Variants in SGMS1 observed in about 807,000 individuals in gnomAD.
SGMS1 encodes phosphatidylcholine:ceramide cholinephosphotransferase 1.
SGMS1 carries 13 observed loss-of-function variants against 46.2 expected under a neutral mutation model. That is an observed-to-expected ratio of 0.28 (90% CI 0.18 to 0.45). SGMS1 has a LOEUF of 0.45. SGMS1 is among the 20% of genes least tolerant of loss of function. The pLI is 1.00. For synonymous variants in SGMS1, 203 were observed against 187.8 expected (o/e 1.08, Z -0.66); for missense variants, 324 against 519.9 (o/e 0.62, Z 3.66).
chr10:50,612,950 C>G (rs559176576), intron 1 of SGMS1, among the ~76,000 whole-genome samples: 3 of 152,162 alleles, frequency 2.0e-5, no homozygotes, highest in Non-Finnish European at 4.4e-5. Flanking sequence ...CTCATAGCCA[C>G]GTTTTTTAAA....
At chr10:50,330,451 C>T (rs1007270819) in intron 7 of SGMS1, among the ~76,000 whole-genome samples, 7 of 152,094 alleles carry the variant, frequency 4.6e-5, no homozygotes, top group African/African-American at 1.4e-4. Context: ...TGCCACTGCA[C>T]TCCAGTCTGG....
At chr10:50,377,403 G>A (rs2133462660) in intron 6 of SGMS1, among the ~76,000 whole-genome samples, 1 of 152,286 alleles carries the variant, frequency 6.6e-6, no homozygotes, top group East Asian at 1.9e-4. Context: ...ACTTCTTAGA[G>A]GGCCCATCTC....
chr10:50,466,452 T>C (rs1837330482), intron 4 of SGMS1, among the ~76,000 whole-genome samples: 1 of 152,166 alleles, frequency 6.6e-6, no homozygotes, highest in East Asian at 1.9e-4. Context: ...CCTAACATTA[T>C]GCAAATGATT....
chr10:50,466,985 T>C (rs1837335791), intron 3 of SGMS1, 53 bp from the exon 4 acceptor site: 1 of 152,136 alleles, frequency 6.6e-6, no homozygotes, highest in African/African-American at 2.4e-5. Flanking sequence ...ATGAGCTGCT[T>C]ATAAGAAAAA....
intron 6 of SGMS1, among the ~76,000 whole-genome samples, chr10:50,428,360 G>T (rs1038318883): frequency 6.6e-6 from 1 of 152,120 alleles, no homozygotes; most frequent in Non-Finnish European, 1.5e-5. Context: ...ACATTTCACT[G>T]CCAAAATAAA....
chr10:50,544,837 A>C (rs1224684566), intron 2 of SGMS1, among the ~76,000 whole-genome samples: 1 of 152,180 alleles, frequency 6.6e-6, no homozygotes, highest in Admixed American at 6.5e-5. Flanking sequence ...GACATGCTAC[A>C]ACTACCCCTT....
At chr10:50,624,648 C>T (rs1036726613), upstream of SGMS1, 87 of 985,472 alleles carry the variant, frequency 8.8e-5, no homozygotes, top group African/African-American at 1.5e-3. Context: ...ACCCGGAGAG[C>T]GGCTAGGCCG....
chr10:50,335,031 C>T (rs1315580499), intron 7 of SGMS1: 1 of 152,190 alleles, frequency 6.6e-6, no homozygotes, highest in East Asian at 1.9e-4. Flanking sequence ...CTGGGAGGAC[C>T]TCGTAGGTCA....
rs1847181178 is a variant in SGMS1, at chr10:50,306,243, C to A, written c.*899G>T. 6.6e-6 allele frequency: 1 copy of A among 152,428 alleles called. No individual in the cohort carries two copies. Among genetic ancestry groups the A allele is most frequent in the Non-Finnish European group, 1.5e-5 (1 of 67,984 alleles). 9.4% of individuals were successfully genotyped at this position (152,428 alleles called of 1,614,324 possible). A position where few individuals can be genotyped will look rare whatever the true frequency, so the allele number is the denominator to read the frequency against. The stretch of plus-strand genomic sequence containing the variant: ...AACAACCTCATTATTTAAGTCATTG[C>A]AATTTTAAAACCATAAGCAGTCTTC... On this transcript the variant is annotated 3_prime_UTR_variant, in exon 11 of 11. Transcript: ENST00000361781.
At chr10:50,352,720 C>A (rs143370966) in intron 6 of SGMS1, among the ~76,000 whole-genome samples, 1 of 152,130 alleles carries the variant, frequency 6.6e-6, no homozygotes, top group Non-Finnish European at 1.5e-5. Context: ...TCTCACAGAT[C>A]TAAGCTTGTA....
At position 50,416,837 on chromosome 10, in the gene SGMS1, T is replaced by TAAAAAAAAA. The variant is rs36028635; in HGVS notation, c.-232+16630_-232+16638dup. 1.5e-4 allele frequency among the ~76,000 whole-genome samples: 18 copies of TAAAAAAAAA among 117,252 alleles called. 4 individuals carry two copies. The highest frequency in any genetic ancestry group is 2.0e-4 in the Non-Finnish European group (12 of 58,712). The allele number at this position is 117,252 out of a possible 152,430, so 76.9% of individuals were successfully genotyped here. A position where few individuals can be genotyped will look rare whatever the true frequency, so the allele number is the denominator to read the frequency against. On this transcript the variant is annotated intron_variant, in intron 6 of 10. Coordinates refer to ENST00000361781, the MANE Select transcript of SGMS1 (RefSeq NM_147156.4). ...TCTAGGGAAGTTTCCTTTATAGAAC[T>TAAAAAAAAA]AAAAAAAAAAAAAAAAAAAAAGCCA...
At chr10:50,356,721 A>G (rs935696779) in intron 6 of SGMS1, among the ~76,000 whole-genome samples, 1 of 152,010 alleles carries the variant, frequency 6.6e-6, no homozygotes, top group Non-Finnish European at 1.5e-5. Flanking sequence ...AAAAATAAAA[A>G]AATAAAAAAT....
chr10:50,418,071 C>A (rs780266841), intron 6 of SGMS1: 1 of 152,242 alleles, frequency 6.6e-6, no homozygotes, highest in Admixed American at 6.5e-5. Context: ...TACGGTCTCT[C>A]GTCCCCGGAG....
chr10:50,368,693 A>G (rs187654656), intron 6 of SGMS1, among the ~76,000 whole-genome samples: 6 of 152,350 alleles, frequency 3.9e-5, no homozygotes, highest in East Asian at 1.9e-4. Flanking sequence ...TCTCACTTCC[A>G]TAACTATAAT....
chr10:50,427,914 A>T (rs1564910874), intron 6 of SGMS1, among the ~76,000 whole-genome samples: 3 of 152,104 alleles, frequency 2.0e-5, no homozygotes, highest in Non-Finnish European at 4.4e-5. Context: ...ACAGCAGTGG[A>T]ACAGTTGATA....
At chr10:50,350,331 C>T (rs1246108186) in intron 6 of SGMS1, among the ~76,000 whole-genome samples, 1 of 152,104 alleles carries the variant, frequency 6.6e-6, no homozygotes, top group African/African-American at 2.4e-5. Context: ...ATAAGGGAAG[C>T]AAAGCATTCA....
At chr10:50,615,321 GATGA>G (rs2131937423) in intron 1 of SGMS1, among the ~76,000 whole-genome samples, 1 of 152,338 alleles carries the variant, frequency 6.6e-6, no homozygotes, top group South Asian at 2.1e-4. Context: ...GGAGGAAGGT[GATGA>G]ATATTAACAA....
At chr10:50,538,975 C>T (rs1248183958) in intron 2 of SGMS1, among the ~76,000 whole-genome samples, 1 of 152,194 alleles carries the variant, frequency 6.6e-6, no homozygotes, top group Non-Finnish European at 1.5e-5. Flanking sequence ...AGGAAACCAC[C>T]GAACTCGGTG....
chr10:50,541,728 A>AG (rs1378330093), intron 2 of SGMS1, among the ~76,000 whole-genome samples: 1 of 152,174 alleles, frequency 6.6e-6, no homozygotes, highest in African/African-American at 2.4e-5. Context: ...GGGAAGGAAA[A>AG]GGGGTTGTTT....
Sources: allele counts gnomAD v4.1 joint callset (sites outside exome capture counted in the v4.1 genomes callset), GRCh38; gene constraint gnomAD v4.1.1; transcripts MANE v1.5; gene names NCBI Gene and HGNC (gene_info 2026-07-23, HGNC 2026-07-21).